The following SCNN1A variants were observed in gnomAD, a reference collection of about 807,000 sequenced individuals.
SCNN1A encodes sodium channel epithelial 1 subunit alpha.
Under a neutral mutation model 68.6 loss-of-function variants are expected in SCNN1A, and 65 were observed. The ratio of observed to expected loss-of-function variants is 0.95; its 90% confidence interval spans 0.78 to 1.16. SCNN1A has a LOEUF of 1.16. SCNN1A is among the 50% of genes most tolerant of loss of function. The pLI, the probability that SCNN1A is intolerant of heterozygous loss-of-function variation, is 0.00. For synonymous variants in SCNN1A, 357 were observed against 353.3 expected (o/e 1.01, Z -0.12); for missense variants, 880 against 865.9 (o/e 1.02, Z -0.20).
intron 1 of SCNN1A, chr12:6,375,265 CCT>C: frequency 2.1e-6 from 3 of 1,438,556 alleles, no homozygotes; most frequent in Non-Finnish European, 2.7e-6. Context: ...TGGCCTGCCT[CCT>C]CTCTCTAATC....
chr12:6,373,767 G>T (rs1948838994), intron 2 of SCNN1A, among the ~76,000 whole-genome samples: 2 of 152,184 alleles, frequency 1.3e-5, no homozygotes, highest in Non-Finnish European at 2.9e-5. Flanking sequence ...ACAAGGAGCT[G>T]CTCTCTAGCC....
Position 6,349,210 on chromosome 12 carries a change from T to C in SCNN1A, c.1451A>G (p.Tyr484Cys), listed in dbSNP as rs1565475355. The change falls in exon 10 of 13, where the codon TAC becomes TGC. Residue 484 changes from tyrosine to cysteine, a missense_variant. Coordinates refer to ENST00000228916, the MANE Select transcript of SCNN1A (RefSeq NM_001038.6). ...KCRKPCSVTS[Y>C]QLSAGYSRWP... Reference sequence around the variant, plus strand: ...TCGTGAGTAACCAGCAGAGAGCTGGTAGCTGGTCACGCTGGGGATGGAGAA... The same window carrying C: ...TCGTGAGTAACCAGCAGAGAGCTGGCAGCTGGTCACGCTGGGGATGGAGAA... 5.6e-6 allele frequency: 9 copies of C among 1,613,956 alleles called. No homozygotes were observed. Among genetic ancestry groups the C allele is most frequent in the Middle Eastern group, 1.6e-4 (1 of 6,072 alleles).
At chr12:6,370,438 C>A (rs1477095669) in intron 2 of SCNN1A, among the ~76,000 whole-genome samples, 8 of 152,172 alleles carry the variant, frequency 5.3e-5, no homozygotes, top group Non-Finnish European at 1.0e-4. Flanking sequence ...CCCTGGGAGA[C>A]TTGGAGGCTG....
At chr12:6,354,258 C>T in intron 8 of SCNN1A, 180 bp downstream of exon 8, 2 of 649,150 alleles carry the variant, frequency 3.1e-6, no homozygotes, top group East Asian at 5.1e-5. Flanking sequence ...GAGAGAGAGA[C>T]TGAGGGAGAG....
intron 2 of SCNN1A, 151 bp from the exon 3 acceptor site, chr12:6,363,861 G>C: frequency 3.1e-6 from 2 of 642,858 alleles, no homozygotes; most frequent in Non-Finnish European, 5.0e-6. Flanking sequence ...CCTCCTGGCC[G>C]TCCGGCGGTG....
intron 8 of SCNN1A, among the ~76,000 whole-genome samples, chr12:6,352,757 G>A (rs1048319877): frequency 6.6e-6 from 1 of 152,218 alleles, no homozygotes; most frequent in Non-Finnish European, 1.5e-5. Flanking sequence ...AGGAGGCCAC[G>A]ACTGGAAAGT....
rs1948484552 is a variant in SCNN1A, at chr12:6,355,669, A to AG, written c.979+107dup. ...GGACTATGTGGCACCTATTGGGGAG[A>AG]GACAGCAGGCAGGACCCCTCCCAGC... On this transcript the variant is annotated intron_variant, in intron 5 of 12. Coordinates refer to ENST00000228916, the MANE Select transcript of SCNN1A (RefSeq NM_001038.6). 3 of 935,114 alleles carry AG rather than the reference A, an allele frequency of 3.2e-6. No individual in the cohort carries two copies. In the South Asian group the frequency reaches 3.9e-5, roughly 12 times the overall value. The allele number at this position is 935,114 out of a possible 1,614,324, so 57.9% of individuals were successfully genotyped here.
chr12:6,363,336 T>TATGCC, intron 3 of SCNN1A, 107 bp downstream of exon 3: 1 of 907,778 alleles, frequency 1.1e-6, no homozygotes. Flanking sequence ...CCCCGCGTGG[T>TATGCC]GTCACTGGGC....
chr12:6,363,472 A>G lies in SCNN1A; in HGVS notation c.655T>C (p.Trp219Arg). Residue 219 changes from tryptophan (W) to arginine (R), a missense_variant, in exon 3 of 13, where the codon TGG becomes CGG. Coordinates refer to ENST00000228916, the MANE Select transcript of SCNN1A (RefSeq NM_001038.6). ...SLRDNNPQVD[W>R]KDWKIGFQLC... The stretch of plus-strand genomic sequence containing the variant: ...TGGAAGCCGATCTTCCAGTCCTTCC[A>G]GTCCACCTGGGGGTTGTTGTCCCGC... 1.2e-6 allele frequency: 2 copies of G among 1,602,492 alleles called. No homozygotes were observed. Among genetic ancestry groups the G allele is most frequent in the Non-Finnish European group, 1.7e-6 (2 of 1,175,412 alleles).
chr12:6,372,672 CT>C lies in SCNN1A; in HGVS notation c.416+1695del, dbSNP rs879449697. Among the ~76,000 whole-genome samples the C allele has an allele frequency of 5.3e-5, 8 of 152,346 alleles. No homozygotes were observed. The highest frequency in any genetic ancestry group is 1.2e-4 in the Non-Finnish European group (8 of 68,040). Reference sequence around the variant, plus strand: ...ACCACAAATATTTATTGAGTGCCCACTGCCCCGCCTGCTGTCCTTCCCCTTC... The same window carrying C: ...ACCACAAATATTTATTGAGTGCCCACGCCCCGCCTGCTGTCCTTCCCCTTC... On this transcript the variant is annotated intron_variant, in intron 2 of 12. Transcript: ENST00000228916. This position sits in a 1 kb window ranked among gnomAD's most constrained non-coding sequence, Gnocchi z 5.8.
At chr12:6,369,235 C>G (rs1042406882) in intron 2 of SCNN1A, among the ~76,000 whole-genome samples, 1 of 151,894 alleles carries the variant, frequency 6.6e-6, no homozygotes, top group Non-Finnish European at 1.5e-5. Context: ...CATGCCATCT[C>G]TGTGCCCGGC....
At chr12:6,356,216 T>G (rs1052818626) in intron 4 of SCNN1A, 3 of 388,780 alleles carry the variant, frequency 7.7e-6, no homozygotes, top group African/African-American at 6.1e-5. Context: ...TTCACCGGCA[T>G]TGACTTCCGT....
chr12:6,366,263 A>G (rs1215924421), intron 2 of SCNN1A, among the ~76,000 whole-genome samples: 1 of 152,200 alleles, frequency 6.6e-6, no homozygotes, highest in Non-Finnish European at 1.5e-5. Context: ...AAAGTTAGAT[A>G]TAGAGTTACC....
chr12:6,360,922 G>A (rs1014479209), intron 4 of SCNN1A, among the ~76,000 whole-genome samples: 6 of 152,182 alleles, frequency 3.9e-5, no homozygotes, highest in South Asian at 2.1e-4. Flanking sequence ...AGCCAGGGCC[G>A]GCCCATTCCC....
intron 8 of SCNN1A, chr12:6,353,829 T>TCCGC (rs1948440519): frequency 6.8e-6 from 1 of 146,496 alleles, no homozygotes; most frequent in African/African-American, 2.6e-5. Flanking sequence ...GACCTCGTGA[T>TCCGC]CCGCCCGCCG....
At chr12:6,355,113 T>A (rs72657578) in intron 6 of SCNN1A, among the ~76,000 whole-genome samples, 159 bp downstream of exon 6, 1 of 151,882 alleles carries the variant, frequency 6.6e-6, no homozygotes, top group Non-Finnish European at 1.5e-5. Flanking sequence ...GGGCTTTACT[T>A]CCCAGTGCCA....
At position 6,349,308 on chromosome 12, in the gene SCNN1A, C is replaced by T. The variant is rs766990615; in HGVS notation, c.1439+19G>A. 8.7e-6 allele frequency: 14 copies of T among 1,613,500 alleles called. No individual in the cohort carries two copies. Among genetic ancestry groups the T allele is most frequent in the South Asian group, 7.7e-5 (7 of 91,046 alleles). On this transcript the variant is annotated intron_variant, in intron 9 of 12. Transcript: ENST00000228916. ...ACCTGTATTCTACCCAACCTGTACCCGGGGAAGGGGACACTAACCTGCATG... is the reference window on the plus strand; with the variant it reads ...ACCTGTATTCTACCCAACCTGTACCTGGGGAAGGGGACACTAACCTGCATG...
At chr12:6,375,983 G>C (rs902317006), upstream of SCNN1A, 1 of 1,001,410 alleles carries the variant, frequency 1.0e-6, no homozygotes, top group Non-Finnish European at 1.2e-6. Context: ...GCAGTGGTGG[G>C]GGCAAATAGA....
At chr12:6,349,491 T>C (rs1035200018) in intron 8 of SCNN1A, 86 bp from the exon 9 acceptor site, 2 of 894,012 alleles carry the variant, frequency 2.2e-6, no homozygotes, top group Non-Finnish European at 3.6e-6. Context: ...GATCCCTGGG[T>C]ACCCACTTTA....
Sources: allele counts gnomAD v4.1 joint callset (sites outside exome capture counted in the v4.1 genomes callset), GRCh38; gene constraint gnomAD v4.1.1; non-coding constraint Gnocchi (gnomAD v3.1); transcripts MANE v1.5; gene names NCBI Gene and HGNC (gene_info 2026-07-23, HGNC 2026-07-21).